PEBP4: variants seen among roughly 807,000 people sequenced by gnomAD.
The protein encoded by PEBP4 is phosphatidylethanolamine binding protein 4, also known as phosphatidylethanolamine-binding protein 4.
Under a neutral mutation model 23.9 loss-of-function variants are expected in PEBP4, and 22 were observed. The observed-to-expected ratio is 0.92, with a 90% confidence interval of 0.66 to 1.31. The LOEUF (loss-of-function observed/expected upper bound fraction) is 1.31, where lower values mean the gene tolerates loss of function less well. PEBP4 is among the 40% of genes most tolerant of loss of function. The pLI, the probability that PEBP4 is intolerant of heterozygous loss-of-function variation, is 0.00. For missense variants in PEBP4, 324 were observed against 281.7 expected, an observed-to-expected ratio of 1.15 and a Z score of -1.07; for synonymous variants, 112 against 99.3, an observed-to-expected ratio of 1.13 and a Z score of -0.76.
intron 4 of PEBP4, 90 bp from the exon 5 acceptor site, chr8:22,727,310 GAGGAGGATGGGAGAGGA>G (rs60370038): frequency 0.017 from 22,192 of 1,279,296 alleles, 526 homozygotes; most frequent in African/African-American, 0.1. Flanking sequence ...CTCTCTGCAG[GAGGAGGATGGGAGAGGA>G]AGGAGGATGG....
In PEBP4 at chr8:22,927,874, A is replaced by C. The variant is rs550198602; in HGVS notation, c.-58T>G. ...AGGCAGCTTCCAGGGCTCCGCAGCTAATCCAGTCCACCACCCGGACACAAG... is the reference window on the plus strand; with the variant it reads ...AGGCAGCTTCCAGGGCTCCGCAGCTCATCCAGTCCACCACCCGGACACAAG... On this transcript the variant is annotated 5_prime_UTR_variant, in exon 1 of 7. The change creates a new upstream start codon in the 5' untranslated region. Coordinates refer to ENST00000256404, the MANE Select transcript of PEBP4 (RefSeq NM_144962.3). 136 of 768,118 alleles carry C rather than the reference A, an allele frequency of 1.8e-4. 2 individuals carry two copies. In the East Asian group the frequency reaches 4.0e-3, roughly 23 times the overall value. 47.6% of individuals were successfully genotyped at this position (768,118 alleles called of 1,614,324 possible). A position where few individuals can be genotyped will look rare whatever the true frequency, so the allele number is the denominator to read the frequency against.
chr8:22,813,048 A>G (rs576068087), intron 4 of PEBP4, among the ~76,000 whole-genome samples: 3 of 152,362 alleles, frequency 2.0e-5, no homozygotes, highest in African/African-American at 7.2e-5. Context: ...ACTAGAAAGC[A>G]GGGAGCTATA....
chr8:22,908,780 C>G (rs1456418884), intron 3 of PEBP4, among the ~76,000 whole-genome samples: 1 of 152,148 alleles, frequency 6.6e-6, no homozygotes, highest in African/African-American at 2.4e-5. Flanking sequence ...GGACTGACAG[C>G]GCAATTTTTA....
At chr8:22,910,827 C>T (rs948430919) in intron 3 of PEBP4, among the ~76,000 whole-genome samples, 27 of 152,184 alleles carry the variant, frequency 1.8e-4, no homozygotes, top group Admixed American at 1.6e-3. Flanking sequence ...AGGTGAAGCA[C>T]GGAGGATTTT....
intron 4 of PEBP4, among the ~76,000 whole-genome samples, chr8:22,741,449 T>C (rs1462044986): frequency 6.6e-6 from 1 of 152,172 alleles, no homozygotes; most frequent in Non-Finnish European, 1.5e-5. Flanking sequence ...AGCAGGCAAA[T>C]GCCAATCCGG....
chr8:22,916,476 C>T (rs933920647), intron 3 of PEBP4, among the ~76,000 whole-genome samples: 1 of 152,186 alleles, frequency 6.6e-6, no homozygotes, highest in African/African-American at 2.4e-5. Flanking sequence ...CTTTCTCTGC[C>T]TGCTTCCCCA....
intron 3 of PEBP4, among the ~76,000 whole-genome samples, chr8:22,909,944 A>T (rs150566400): frequency 6.6e-6 from 1 of 152,336 alleles, no homozygotes; most frequent in African/African-American, 2.4e-5. Flanking sequence ...GGGTGGGAAA[A>T]AGGCTACAGC....
intron 3 of PEBP4, among the ~76,000 whole-genome samples, chr8:22,872,293 G>A (rs2128770670): frequency 6.6e-6 from 1 of 152,320 alleles, no homozygotes; most frequent in East Asian, 1.9e-4. Flanking sequence ...AGTCATGTGT[G>A]TACTGCACAG....
chr8:22,834,466 A>G (rs1807157923), intron 3 of PEBP4, among the ~76,000 whole-genome samples: 1 of 152,244 alleles, frequency 6.6e-6, no homozygotes, highest in African/African-American at 2.4e-5. Flanking sequence ...GTGAGGACAG[A>G]GGCACCTCCA....
At chr8:22,778,692 G>C (rs1445239257) in intron 4 of PEBP4, among the ~76,000 whole-genome samples, 2 of 152,162 alleles carry the variant, frequency 1.3e-5, no homozygotes, top group East Asian at 3.9e-4. Flanking sequence ...TGAGTGGAGA[G>C]CTCCCCAGCA....
rs926474856 is a variant in PEBP4 at position 22,791,325 on chromosome 8, G to A, written c.357+26312C>T. On this transcript the variant is annotated intron_variant, in intron 4 of 6. Transcript: ENST00000256404. Reference sequence around the variant, plus strand: ...CCTCACCCGCAAATGGTAGAGAGAGGAGTTTTGAGCCGTACAAATAAAGCA... The same window carrying A: ...CCTCACCCGCAAATGGTAGAGAGAGAAGTTTTGAGCCGTACAAATAAAGCA... Among the ~76,000 whole-genome samples, 8 of 152,158 alleles carry A rather than the reference G, an allele frequency of 5.3e-5. 1 individual carries two copies. The South Asian group carries it at 8.3e-4, about 16-fold the overall frequency.
At chr8:22,925,384 A>G in intron 2 of PEBP4, 1 of 936,016 alleles carries the variant, frequency 1.1e-6, no homozygotes. Context: ...GTGAGTGTGG[A>G]GTCAGACAAG....
intron 3 of PEBP4, among the ~76,000 whole-genome samples, chr8:22,842,692 G>A (rs1347113370): frequency 6.6e-6 from 1 of 152,146 alleles, no homozygotes; most frequent in East Asian, 1.9e-4. Context: ...ACTGCCATAA[G>A]ACGCAGGGCT....
intron 3 of PEBP4, among the ~76,000 whole-genome samples, chr8:22,854,014 A>G (rs766776105): frequency 6.6e-6 from 1 of 152,220 alleles, no homozygotes; most frequent in African/African-American, 2.4e-5. Flanking sequence ...AAATTCATAT[A>G]AGAGAAAAAA....
intron 4 of PEBP4, among the ~76,000 whole-genome samples, chr8:22,737,015 C>T (rs746308017): frequency 8.5e-5 from 13 of 152,078 alleles, no homozygotes; most frequent in African/African-American, 1.7e-4. Flanking sequence ...AAATAAAGGC[C>T]GGGCATGGTG....
At chr8:22,822,752 T>C (rs1222632633) in intron 3 of PEBP4, among the ~76,000 whole-genome samples, 1 of 151,938 alleles carries the variant, frequency 6.6e-6, no homozygotes, top group Non-Finnish European at 1.5e-5. Flanking sequence ...TGATGGTAAA[T>C]GCAAGATTAT....
At chr8:22,820,931 C>T (rs563988799) in intron 3 of PEBP4, among the ~76,000 whole-genome samples, 2 of 152,100 alleles carry the variant, frequency 1.3e-5, no homozygotes, top group African/African-American at 2.4e-5. Context: ...TGGTGGCTCA[C>T]ATCCGTAATC....
intron 3 of PEBP4, among the ~76,000 whole-genome samples, chr8:22,845,078 C>A (rs997061795): frequency 6.6e-6 from 1 of 152,182 alleles, no homozygotes; most frequent in Non-Finnish European, 1.5e-5. Flanking sequence ...TTGCCCAGAC[C>A]GCCTGAGGCC....
At position 22,852,461 on chromosome 8, in the gene PEBP4, A is replaced by G. The variant is rs182046970; in HGVS notation, c.259-34726T>C. Among the ~76,000 whole-genome samples, 144 of 152,182 alleles carry G rather than the reference A, an allele frequency of 9.5e-4. 2 individuals carry two copies. In the East Asian group the frequency reaches 0.019, roughly 20 times the overall value. On this transcript the variant is annotated intron_variant, in intron 3 of 6. Coordinates refer to ENST00000256404, the MANE Select transcript of PEBP4 (RefSeq NM_144962.3). ...CTGATTTCTTTCCCAAACCCATGTAAAAAGGAGCAAGCCTGGGTCTCCTTT... is the reference window on the plus strand; with the variant it reads ...CTGATTTCTTTCCCAAACCCATGTAGAAAGGAGCAAGCCTGGGTCTCCTTT...
Sources: allele counts gnomAD v4.1 joint callset (sites outside exome capture counted in the v4.1 genomes callset), GRCh38; gene constraint gnomAD v4.1.1; transcripts MANE v1.5; gene names NCBI Gene and HGNC (gene_info 2026-07-23, HGNC 2026-07-21).